Variants in COL4A4 observed in about 807,000 individuals in gnomAD.
The protein encoded by COL4A4 is collagen alpha-4(IV) chain.
In COL4A4, 105 loss-of-function variants were observed where a neutral mutation model predicts 192.9. The ratio of observed to expected loss-of-function variants is 0.54; its 90% CI spans 0.46 to 0.64. The LOEUF is 0.64. Among genes scored for constraint, COL4A4 ranks in the 30% least tolerant of loss-of-function variants. The probability of loss-of-function intolerance (pLI) is 0.00; values close to 1 mark genes in which losing one functional copy is unlikely to be tolerated. For synonymous variants in COL4A4, 762 were observed against 769.9 expected (o/e 0.99, Z 0.17); for missense variants, 1,967 against 2,169.3 (o/e 0.91, Z 1.85).
chr2:227,079,703 T>C (rs1159775850), intron 24 of COL4A4, among the ~76,000 whole-genome samples: 1 of 152,202 alleles, frequency 6.6e-6, no homozygotes, highest in East Asian at 1.9e-4. Flanking sequence ...GACAGATGGG[T>C]AGCCTTGAAT....
At chr2:227,070,108 CAAT>C (rs2058619349) in intron 25 of COL4A4, among the ~76,000 whole-genome samples, 1 of 152,058 alleles carries the variant, frequency 6.6e-6, no homozygotes, top group Non-Finnish European at 1.5e-5. Context: ...AGCCAAAAAA[CAAT>C]GAAAAAATGC....
chr2:227,041,812 GAAA>G lies in COL4A4; in HGVS notation c.3505+333_3505+335del, dbSNP rs1559477009. Among the ~76,000 whole-genome samples the G allele has an allele frequency of 1.6e-3, 48 of 29,582 alleles. 3 individuals carry two copies. The highest frequency in any genetic ancestry group is 9.8e-3 in the African/African-American group (44 of 4,512). 19.4% of individuals were successfully genotyped at this position (29,582 alleles called of 152,430 possible). A position where few individuals can be genotyped will look rare whatever the true frequency, so the allele number is the denominator to read the frequency against. On this transcript the variant is annotated intron_variant, in intron 37 of 47. Coordinates refer to ENST00000396625, the MANE Select transcript of COL4A4 (RefSeq NM_000092.5). ...GGAAAGAAAGAAAGAAAGGAAGAAA[GAAA>G]GAAAGAAAGAAAGAAAGAAAGAAAG...
chr2:227,117,547 G>A (rs760498666), intron 7 of COL4A4, among the ~76,000 whole-genome samples: 5 of 152,066 alleles, frequency 3.3e-5, no homozygotes, highest in Admixed American at 1.3e-4. Flanking sequence ...AGGAAGACTC[G>A]TGAGTGACAG....
chr2:227,100,355 GATATGATA>G (rs1451633265), intron 17 of COL4A4, among the ~76,000 whole-genome samples: 4 of 124,664 alleles, frequency 3.2e-5, no homozygotes, highest in Admixed American at 8.3e-5. Flanking sequence ...ATATGACACT[GATATGATA>G]ATATGATAAT....
chr2:227,041,786 GGGAAAGAAAGAAAGAAAGGA>G (rs1971068297), intron 37 of COL4A4, among the ~76,000 whole-genome samples: 1 of 47,454 alleles, frequency 2.1e-5, no homozygotes, highest in African/African-American at 9.1e-5. Context: ...AAGGAAGGAA[GGGAAAGAAAGAAAGAAAGGA>G]AGAAAGAAAG....
intron 37 of COL4A4, among the ~76,000 whole-genome samples, chr2:227,035,501 G>T: frequency 6.7e-6 from 1 of 150,188 alleles, no homozygotes; most frequent in Non-Finnish European, 1.5e-5. Context: ...GATTTAGATT[G>T]GTTCAAATGA....
At chr2:227,069,657 G>A (rs919339210) in intron 25 of COL4A4, among the ~76,000 whole-genome samples, 11 of 152,140 alleles carry the variant, frequency 7.2e-5, no homozygotes, top group African/African-American at 2.4e-4. Context: ...GGGAAAACTG[G>A]CTAGCCATAC....
rs536342390 is a variant in COL4A4, at chr2:227,099,573, C to T, written c.1099+47G>A. ...AGACTCTTCTGTCCTGGCCACTCAA[C>T]TCCTATTTCTGCATAATTTATGGAG... On this transcript the variant is annotated intron_variant, in intron 18 of 47. Coordinates refer to ENST00000396625, the MANE Select transcript of COL4A4 (RefSeq NM_000092.5). 8.2e-5 allele frequency: 128 copies of T among 1,565,550 alleles called. 1 individual carries two copies. In the South Asian group the frequency reaches 1.4e-3, roughly 17 times the overall value.
chr2:227,045,862 A>G lies in COL4A4; in HGVS notation c.3289+1613T>C, dbSNP rs60629804. On this transcript the variant is annotated intron_variant, in intron 35 of 47. Coordinates refer to ENST00000396625, the MANE Select transcript of COL4A4 (RefSeq NM_000092.5). ...CATATATATATACACATATATATAT[A>G]CACATATATATACATATATATGTAT... is the stretch of plus-strand genomic sequence containing the variant. 2.7e-4 allele frequency among the ~76,000 whole-genome samples: 24 copies of G among 88,690 alleles called. 3 individuals carry two copies. Among genetic ancestry groups the G allele is most frequent in the African/African-American group, 8.9e-4 (17 of 19,058 alleles). The allele number at this position is 88,690 out of a possible 152,430, so 58.2% of individuals were successfully genotyped here. A position where few individuals can be genotyped will look rare whatever the true frequency, so the allele number is the denominator to read the frequency against.
At chr2:227,018,805 G>A (rs367801363) in intron 44 of COL4A4, among the ~76,000 whole-genome samples, 1 of 152,164 alleles carries the variant, frequency 6.6e-6, no homozygotes, top group African/African-American at 2.4e-5. Context: ...GCCACGTGCA[G>A]CAGATGAGCC....
In COL4A4 at chr2:227,012,113, A is replaced by G. The variant is rs1052057430; in HGVS notation, c.4333+68T>C. On this transcript the variant is annotated intron_variant, in intron 45 of 47. Transcript: ENST00000396625. ...TCCAGTTTGGAAAGCCACTTGAGAG[A>G]TCAGAGATTTTGTATACAACTCTAA... 1.7e-5 allele frequency: 22 copies of G among 1,283,690 alleles called. No homozygotes were observed. The African/African-American group carries it at 3.1e-4, about 18-fold the overall frequency. The allele number at this position is 1,283,690 out of a possible 1,614,324, so 79.5% of individuals were successfully genotyped here.
intron 5 of COL4A4, chr2:227,120,780 A>C (rs1353153958): frequency 1.0e-5 from 5 of 491,144 alleles, no homozygotes; most frequent in Non-Finnish European, 1.5e-5. Flanking sequence ...TCTACTAAAA[A>C]ATACAAAAAT....
At chr2:227,035,159 CTA>C (rs1246306411) in intron 37 of COL4A4, among the ~76,000 whole-genome samples, 1 of 151,918 alleles carries the variant, frequency 6.6e-6, no homozygotes, top group Non-Finnish European at 1.5e-5. Context: ...GAGTTCAAGA[CTA>C]GGTCCTATGG....
chr2:227,053,064 A>G (rs1576149542), intron 31 of COL4A4, among the ~76,000 whole-genome samples: 1 of 151,628 alleles, frequency 6.6e-6, no homozygotes, highest in South Asian at 2.1e-4. Flanking sequence ...GACACTCAGC[A>G]AACACTATAA....
intron 23 of COL4A4, among the ~76,000 whole-genome samples, chr2:227,081,289 A>G (rs527490207): frequency 6.6e-6 from 1 of 152,352 alleles, no homozygotes; most frequent in African/African-American, 2.4e-5. Flanking sequence ...CTGCCAGCAC[A>G]GCTGGAACAA....
the COL4A4 span, chr2:226,995,280 C>T: frequency 1.6e-6 from 1 of 640,402 alleles, no homozygotes; most frequent in Non-Finnish European, 2.8e-6. Flanking sequence ...TTAGTACTGA[C>T]AGCTGAAGTT....
At chr2:227,023,441 C>CAAAAAAAAA (rs60646267) in intron 43 of COL4A4, among the ~76,000 whole-genome samples, 2 of 124,312 alleles carry the variant, frequency 1.6e-5, no homozygotes, top group Non-Finnish European at 3.4e-5. Flanking sequence ...GATTCCATCT[C>CAAAAAAAAA]AAAAAAAAAA....
chr2:227,107,756 C>CTTTTTTT (rs71036157), intron 12 of COL4A4, among the ~76,000 whole-genome samples: 1 of 109,206 alleles, frequency 9.2e-6, no homozygotes, highest in Non-Finnish European at 1.8e-5. Flanking sequence ...AATCACTTTT[C>CTTTTTTT]TTTTTTTTTT....
chr2:227,072,064 GCAAAC>G (rs765629000), intron 25 of COL4A4, among the ~76,000 whole-genome samples: 2 of 151,560 alleles, frequency 1.3e-5, no homozygotes, highest in Non-Finnish European at 3.0e-5. Context: ...CAAATGAAAT[GCAAAC>G]CAAAAAAATA....
Sources: gnomAD v4.1 joint callset for allele counts (sites outside exome capture counted in the v4.1 genomes callset) on GRCh38, gnomAD v4.1.1 for gene constraint, MANE v1.5 for transcripts, NCBI Gene and HGNC (gene_info 2026-07-23, HGNC 2026-07-21) for gene names.